Variants in FAM124B observed in about 807,000 individuals in gnomAD.
FAM124B encodes the protein family with sequence similarity 124 member B, also known as protein FAM124B.
FAM124B carries 18 observed loss-of-function variants against 19.7 expected under a neutral mutation model. The ratio of observed to expected loss-of-function variants is 0.92; its 90% CI spans 0.63 to 1.36. The LOEUF (loss-of-function observed/expected upper bound fraction) is 1.36, where lower values mean the gene tolerates loss of function less well. FAM124B is among the 40% of genes most tolerant of loss of function. The pLI, the probability that FAM124B is intolerant of heterozygous loss-of-function variation, is 0.00. For synonymous variants in FAM124B, 223 were observed against 225.2 expected, an observed-to-expected ratio of 0.99 and a Z score of 0.09; for missense variants, 540 against 553.3, an observed-to-expected ratio of 0.98 and a Z score of 0.24.
chr2:224,391,356 A>AG (rs1372804847), intron 1 of FAM124B, among the ~76,000 whole-genome samples: 36 of 151,436 alleles, frequency 2.4e-4, no homozygotes, highest in African/African-American at 6.8e-4. Context: ...AAAAAAAAAA[A>AG]AAAGAAAGAA....
intron 1 of FAM124B, among the ~76,000 whole-genome samples, chr2:224,400,717 T>A (rs1690053806): frequency 6.6e-6 from 1 of 152,184 alleles, no homozygotes; most frequent in South Asian, 2.1e-4. Flanking sequence ...TAGAATCCTG[T>A]CTGATTCTAC....
intron 1 of FAM124B, among the ~76,000 whole-genome samples, chr2:224,388,256 T>G (rs1689829007): frequency 6.6e-6 from 1 of 151,792 alleles, no homozygotes; most frequent in Non-Finnish European, 1.5e-5. Context: ...TCATGGGAGG[T>G]TTCAAAGAGG....
In FAM124B at chr2:224,380,000, C is replaced by T; in HGVS notation, c.941G>A (p.Trp314Ter). Residue 314 changes from tryptophan (W) to a stop codon, truncating the protein, a stop_gained, in exon 2 of 2, where the codon TGG becomes TAG. Transcript: ENST00000409685. LOFTEE classifies it low-confidence loss of function (END_TRUNC). ...CTGGAATGACCGGCCAGGGCTTTTC[C>T]ACGAAGTGCCAGCACACCTGTCTGA... is the stretch of plus-strand genomic sequence containing the variant. ...PTSDRCAGTS[W>*]KSPGRSFQVS... 2 of 1,551,696 alleles carry T rather than the reference C, an allele frequency of 1.3e-6. No individual in the cohort carries two copies.
chr2:224,401,168 C>T lies in FAM124B; in HGVS notation c.601G>A (p.Glu201Lys), dbSNP rs1408075839. 1.2e-6 allele frequency: 2 copies of T among 1,614,060 alleles called. No homozygotes were observed. Among genetic ancestry groups the T allele is most frequent in the Non-Finnish European group, 1.7e-6 (2 of 1,180,048 alleles). The change falls in exon 1 of 2, where the codon GAG (glutamate) becomes AAG (lysine). Residue 201 changes from glutamate to lysine, a missense_variant. By Grantham distance (56) the Glu-to-Lys change is moderately conservative. Coordinates refer to ENST00000409685, the MANE Select transcript of FAM124B (RefSeq NM_001122779.2). ...ACCTTAAACTGCAGCACCGAAGACT[C>T]TTTGGGGTCCACTGACATTCCCGGG... is the stretch of plus-strand genomic sequence containing the variant. ...LPPGMSVDPK[E>K]SSVLQFKVQE...
intron 1 of FAM124B, among the ~76,000 whole-genome samples, chr2:224,382,165 C>G (rs1343343750): frequency 1.3e-5 from 2 of 152,314 alleles, no homozygotes; most frequent in East Asian, 3.9e-4. Context: ...CAGTAAATAT[C>G]TGAGGGTTTG....
chr2:224,401,707 C>A lies in FAM124B; in HGVS notation c.62G>T (p.Gly21Val), dbSNP rs1362699115. Residue 21 changes from glycine to valine, a missense_variant, in exon 1 of 2, where the codon GGC becomes GTC. Coordinates refer to ENST00000409685, the MANE Select transcript of FAM124B (RefSeq NM_001122779.2). ...TVHLLANSGH[G>V]SLLQRTLDQL... is the part of the protein sequence containing the mutation. ...GTCCAGAGTCCTCTGCAGAAGGGAG[C>A]CGTGCCCAGAGTTGGCAAGAAGATG... 2.5e-6 allele frequency: 4 copies of A among 1,614,124 alleles called. No individual in the cohort carries two copies. The South Asian group carries it at 4.4e-5, about 18-fold the overall frequency.
chr2:224,379,443 A>T lies in FAM124B; in HGVS notation c.*130T>A, dbSNP rs151243171. On this transcript the variant is annotated 3_prime_UTR_variant, in exon 2 of 2. Transcript: ENST00000409685. ...ACTTTGAACATTTGAAATAAAATCA[A>T]TACAGATTGTGCATGGGGAGCATTC... 1.6e-6 allele frequency: 2 copies of T among 1,223,290 alleles called. No individual in the cohort carries two copies. The highest frequency in any genetic ancestry group is 3.1e-5 in the African/African-American group (2 of 65,464). The allele number at this position is 1,223,290 out of a possible 1,614,324, so 75.8% of individuals were successfully genotyped here. A position where few individuals can be genotyped will look rare whatever the true frequency, so the allele number is the denominator to read the frequency against.
rs1413326476 is a variant in FAM124B at position 224,380,218 on chromosome 2, A to C, written c.733-10T>G. 9.8e-6 allele frequency: 15 copies of C among 1,524,978 alleles called. No homozygotes were observed. Among genetic ancestry groups the C allele is most frequent in the Non-Finnish European group, 1.2e-5 (14 of 1,132,602 alleles). 94.5% of individuals were successfully genotyped at this position (1,524,978 alleles called of 1,614,324 possible). A position where few individuals can be genotyped will look rare whatever the true frequency, so the allele number is the denominator to read the frequency against. Reference sequence around the variant, plus strand: ...CTGGATTCAGCTGAACCTACAGGAAAGGAAAGGAGGAACATATGAAACATA... The same window carrying C: ...CTGGATTCAGCTGAACCTACAGGAACGGAAAGGAGGAACATATGAAACATA... On this transcript the variant is annotated splice_polypyrimidine_tract_variant and intron_variant, in intron 1 of 1. Transcript: ENST00000409685.
intron 1 of FAM124B, among the ~76,000 whole-genome samples, 167 bp from the exon 2 acceptor site, chr2:224,380,375 C>G (rs2106074945): frequency 6.6e-6 from 1 of 152,264 alleles, no homozygotes; most frequent in South Asian, 2.1e-4. Context: ...TATGAGATAT[C>G]TAATCAGACC....
At chr2:224,383,911 G>T (rs1398734004) in intron 1 of FAM124B, among the ~76,000 whole-genome samples, 1 of 152,144 alleles carries the variant, frequency 6.6e-6, no homozygotes, top group Non-Finnish European at 1.5e-5. Flanking sequence ...AATGGTTCAG[G>T]GTTGATATTA....
intron 1 of FAM124B, among the ~76,000 whole-genome samples, chr2:224,385,228 C>T (rs185738343): frequency 1.3e-3 from 195 of 152,294 alleles, no homozygotes; most frequent in African/African-American, 4.5e-3. Flanking sequence ...TTGCTCTTGC[C>T]AAGGTCATCT....
chr2:224,385,470 T>A (rs1234802021), intron 1 of FAM124B, among the ~76,000 whole-genome samples: 1 of 152,210 alleles, frequency 6.6e-6, no homozygotes, highest in Admixed American at 6.5e-5. Flanking sequence ...TCCTCTTTTC[T>A]TCTCACTCTA....
chr2:224,379,819 G>A lies in FAM124B; in HGVS notation c.1122C>T (p.Pro374=), dbSNP rs770524045. Residue 374 remains proline (P), a synonymous_variant, in exon 2 of 2, where the codon CCC becomes CCT. Transcript: ENST00000409685. ...DTGLTIINSE[P]RQTYFGGFPR... is the part of the protein sequence containing the mutation. The stretch of plus-strand genomic sequence containing the variant: ...GAAATCCGCCAAAATAAGTCTGCCT[G>A]GGTTCAGAATTTATGATGGTCAAGC... 4.5e-6 allele frequency: 7 copies of A among 1,551,900 alleles called. No individual in the cohort carries two copies. In the African/African-American group the frequency reaches 8.2e-5, roughly 18 times the overall value.
rs752735728 is a variant in FAM124B at position 224,401,033 on chromosome 2, A to G, written c.732+4T>C. 2.5e-6 allele frequency: 4 copies of G among 1,583,878 alleles called. No individual in the cohort carries two copies. In the Admixed American group the frequency reaches 7.1e-5, roughly 28 times the overall value. The stretch of plus-strand genomic sequence containing the variant: ...CTACAAGATCTGAGACAAAACAGAA[A>G]TACCTGAAGCAGAATCTTGTTGCCA... On this transcript the variant is annotated splice_donor_region_variant and intron_variant, in intron 1 of 1. Coordinates refer to ENST00000409685, the MANE Select transcript of FAM124B (RefSeq NM_001122779.2).
At chr2:224,393,607 A>T (rs1196883697) in intron 1 of FAM124B, among the ~76,000 whole-genome samples, 1 of 152,130 alleles carries the variant, frequency 6.6e-6, no homozygotes, top group African/African-American at 2.4e-5. Context: ...CTCAGAGAGA[A>T]GGGAGAAAAC....
intron 1 of FAM124B, chr2:224,400,370 G>A: frequency 1.5e-6 from 1 of 649,442 alleles, no homozygotes; most frequent in Non-Finnish European, 2.8e-6. Flanking sequence ...GCCAGACATG[G>A]CGGCACGTGC....
At chr2:224,390,987 G>A (rs557020661) in intron 1 of FAM124B, among the ~76,000 whole-genome samples, 1 of 150,662 alleles carries the variant, frequency 6.6e-6, no homozygotes, top group African/African-American at 2.4e-5. Flanking sequence ...ACAGGCATGA[G>A]CCACCGCGCC....
chr2:224,379,737 C>T lies in FAM124B; in HGVS notation c.1204G>A (p.Val402Met), dbSNP rs1254622815. 6 of 1,551,532 alleles carry T rather than the reference C, an allele frequency of 3.9e-6. No homozygotes were observed. In the South Asian group the frequency reaches 5.9e-5, roughly 15 times the overall value. ...PFCLPASSLG[V>M]ATSKNNSVLK... ...ACACTGTTGTTTTTGGAGGTAGCCA[C>T]CCCCAAGGAAGAGGCTGGCAAGCAG... The change falls in exon 2 of 2, where the codon GTG (valine) becomes ATG (methionine). Residue 402 changes from valine to methionine, a missense_variant. Physicochemically the swap from Val to Met is conservative, Grantham distance 21. Coordinates refer to ENST00000409685, the MANE Select transcript of FAM124B (RefSeq NM_001122779.2).
At chr2:224,400,661 C>G (rs558020328) in intron 1 of FAM124B, among the ~76,000 whole-genome samples, 1 of 152,168 alleles carries the variant, frequency 6.6e-6, no homozygotes, top group South Asian at 2.1e-4. Context: ...AAACGGCAAG[C>G]CTGAGAAAGG....
Sources: gnomAD v4.1 joint callset for allele counts (sites outside exome capture counted in the v4.1 genomes callset) on GRCh38, gnomAD v4.1.1 for gene constraint, MANE v1.5 for transcripts, NCBI Gene and HGNC (gene_info 2026-07-23, HGNC 2026-07-21) for gene names.